CEP20: variants seen among roughly 807,000 people sequenced by gnomAD.
CEP20 encodes FGFR1OP N-terminal like.
In CEP20, 18 loss-of-function variants were observed where a neutral mutation model predicts 20.0. The ratio of observed to expected loss-of-function variants is 0.90; its 90% CI spans 0.62 to 1.34. The LOEUF (loss-of-function observed/expected upper bound fraction) is 1.34, where lower values mean the gene tolerates loss of function less well. Among genes scored for constraint, CEP20 ranks in the 40% most tolerant of loss-of-function variants. CEP20 has a pLI of 0.00. For synonymous variants in CEP20, 77 were observed against 73.7 expected, an observed-to-expected ratio of 1.04 and a Z score of -0.23; for missense variants, 215 against 201.6, an observed-to-expected ratio of 1.07 and a Z score of -0.40.
chr16:15,882,452 C>T (rs1395185054), intron 2 of CEP20, among the ~76,000 whole-genome samples: 2 of 151,962 alleles, frequency 1.3e-5, no homozygotes, highest in African/African-American at 4.8e-5. Flanking sequence ...ATCACTTGAA[C>T]CCAGGAGGTA....
In CEP20 at chr16:15,867,355, G is replaced by T; in HGVS notation, c.*85C>A. On this transcript the variant is annotated 3_prime_UTR_variant, in exon 5 of 5. Coordinates refer to ENST00000255759, the MANE Select transcript of CEP20 (RefSeq NM_144600.4). ...AACTCCAATTTCTACAAACATTAGT[G>T]GTGCATTTTGGTAACATTGGGACAA... The T allele has an allele frequency of 1.0e-6, 1 of 966,286 alleles. No individual in the cohort carries two copies. The highest frequency in any genetic ancestry group is 1.5e-6 in the Non-Finnish European group (1 of 684,070). 59.9% of individuals were successfully genotyped at this position (966,286 alleles called of 1,614,324 possible).
chr16:15,872,023 A>T (rs778355676), intron 4 of CEP20, among the ~76,000 whole-genome samples: 11 of 152,274 alleles, frequency 7.2e-5, no homozygotes, highest in African/African-American at 1.2e-4. Context: ...TTAAAAATTG[A>T]CCAGCTCTTG....
At chr16:15,873,281 G>C (rs2044864896) in intron 4 of CEP20, among the ~76,000 whole-genome samples, 1 of 151,930 alleles carries the variant, frequency 6.6e-6, no homozygotes, top group African/African-American at 2.4e-5. Flanking sequence ...TTACATCTAA[G>C]AATTCTGCCC....
intron 4 of CEP20, among the ~76,000 whole-genome samples, chr16:15,868,812 A>G (rs1270713028): frequency 6.6e-6 from 1 of 152,186 alleles, no homozygotes; most frequent in Non-Finnish European, 1.5e-5. Context: ...GGTCTTCTAG[A>G]AAAGTGTTAT....
intron 4 of CEP20, among the ~76,000 whole-genome samples, chr16:15,870,458 C>A (rs774482749): frequency 6.6e-6 from 1 of 152,042 alleles, no homozygotes; most frequent in Non-Finnish European, 1.5e-5. Flanking sequence ...TCCTTTGAAC[C>A]AACAACTCTA....
intron 4 of CEP20, among the ~76,000 whole-genome samples, chr16:15,868,924 G>C (rs1029393320): frequency 6.6e-6 from 1 of 151,728 alleles, no homozygotes; most frequent in African/African-American, 2.4e-5. Flanking sequence ...AAAAATCTTC[G>C]CCAGGAATGT....
chr16:15,876,843 T>C (rs2044962570), intron 3 of CEP20, among the ~76,000 whole-genome samples: 1 of 150,102 alleles, frequency 6.7e-6, no homozygotes, highest in Admixed American at 6.7e-5. Context: ...TCATCCTCTC[T>C]CAAACTTACT....
intron 3 of CEP20, among the ~76,000 whole-genome samples, chr16:15,879,449 A>T (rs568893157): frequency 2.3e-4 from 35 of 152,132 alleles, no homozygotes; most frequent in Non-Finnish European, 5.1e-4. Context: ...GGAGTTCGAG[A>T]CCAGCCTGGG....
intron 4 of CEP20, among the ~76,000 whole-genome samples, chr16:15,872,771 C>A (rs889614067): frequency 3.2e-5 from 4 of 124,206 alleles, no homozygotes; most frequent in African/African-American, 1.4e-4. Flanking sequence ...ATTTTTATGT[C>A]TCAAAAAAAT....
Position 15,884,156 on chromosome 16 carries a change from T to C in CEP20, c.78A>G (p.Ala26=), listed in dbSNP as rs1365907322. Residue 26 remains alanine, a synonymous_variant, in exon 2 of 5, where the codon GCA becomes GCG. Coordinates refer to ENST00000255759, the MANE Select transcript of CEP20 (RefSeq NM_144600.4). ...CATTGAAAACTTCAGCTCGGATCCTTGCTTTTAAATGCCCTAATACCCCCT... is the reference window on the plus strand; with the variant it reads ...CATTGAAAACTTCAGCTCGGATCCTCGCTTTTAAATGCCCTAATACCCCCT... ...EKKGVLGHLK[A]RIRAEVFNAL... 1 of 1,614,114 alleles carries C rather than the reference T, an allele frequency of 6.2e-7. No homozygotes were observed. The highest frequency in any genetic ancestry group is 1.3e-5 in the African/African-American group (1 of 75,070).
At chr16:15,871,782 T>A (rs2044825584) in intron 4 of CEP20, among the ~76,000 whole-genome samples, 1 of 152,182 alleles carries the variant, frequency 6.6e-6, no homozygotes, top group South Asian at 2.1e-4. Flanking sequence ...TATCTCCTAG[T>A]GCAGTCAGAA....
At chr16:15,870,885 C>T (rs2044798805) in intron 4 of CEP20, among the ~76,000 whole-genome samples, 1 of 152,052 alleles carries the variant, frequency 6.6e-6, no homozygotes, top group Non-Finnish European at 1.5e-5. Context: ...CTACACGTAT[C>T]AACAAGTAAA....
In CEP20 at chr16:15,868,935, A is replaced by G. The variant is rs577507254; in HGVS notation, c.449-1419T>C. Reference sequence around the variant, plus strand: ...CAATAAAAATCTTCGCCAGGAATGTAGTCCCAGCTGTAGTCCCAGCTACTT... The same window carrying G: ...CAATAAAAATCTTCGCCAGGAATGTGGTCCCAGCTGTAGTCCCAGCTACTT... On this transcript the variant is annotated intron_variant, in intron 4 of 4. Transcript: ENST00000255759. Among the ~76,000 whole-genome samples the G allele has an allele frequency of 1.8e-4, 28 of 151,620 alleles. No individual in the cohort carries two copies. In the South Asian group the frequency reaches 5.2e-3, roughly 28 times the overall value.
rs774921884 is a variant in CEP20 at position 15,884,036 on chromosome 16, A to G, written c.198T>C (p.Tyr66=). 1 of 1,613,290 alleles carries G rather than the reference A, an allele frequency of 6.2e-7. No individual in the cohort carries two copies. The highest frequency in any genetic ancestry group is 1.1e-5 in the South Asian group (1 of 91,068). ...LIREYLEFNK[Y]KYTASVLIAE... ...CTATGAGGACAGATGCTGTATACTT[A>G]TATTTGTTGAATTCTAAATACTCTC... is the stretch of plus-strand genomic sequence containing the variant. The change falls in exon 2 of 5, where the codon TAT becomes TAC. Residue 66 remains tyrosine (Y), a synonymous_variant. Coordinates refer to ENST00000255759, the MANE Select transcript of CEP20 (RefSeq NM_144600.4).
At chr16:15,880,735 T>TG (rs1296113391) in intron 2 of CEP20, among the ~76,000 whole-genome samples, 1 of 151,856 alleles carries the variant, frequency 6.6e-6, no homozygotes, top group African/African-American at 2.4e-5. Flanking sequence ...GAGGGAAGCT[T>TG]GATCTGTGTT....
chr16:15,867,948 G>C (rs1277468146), intron 4 of CEP20, among the ~76,000 whole-genome samples: 3 of 148,214 alleles, frequency 2.0e-5, no homozygotes, highest in African/African-American at 7.5e-5. Flanking sequence ...ACTCCAGCCT[G>C]GGCAACAAGA....
chr16:15,875,216 G>GC (rs1409065478), intron 3 of CEP20, among the ~76,000 whole-genome samples: 2 of 152,074 alleles, frequency 1.3e-5, no homozygotes, highest in Non-Finnish European at 2.9e-5. Context: ...ATAAGATGCC[G>GC]CAACTCTTAT....
At chr16:15,879,507 T>A (rs2045047531) in intron 3 of CEP20, among the ~76,000 whole-genome samples, 1 of 151,588 alleles carries the variant, frequency 6.6e-6, no homozygotes, top group African/African-American at 2.4e-5. Flanking sequence ...AAAATACAAA[T>A]AAAAGTTGAA....
At chr16:15,882,355 C>A (rs139253913) in intron 2 of CEP20, among the ~76,000 whole-genome samples, 1,526 of 151,298 alleles carry the variant, frequency 0.01, 30 homozygotes, top group African/African-American at 0.034. Flanking sequence ...TCCTGGCTAA[C>A]GGTGAAACCC....
Sources: allele counts gnomAD v4.1 joint callset (sites outside exome capture counted in the v4.1 genomes callset), GRCh38; gene constraint gnomAD v4.1.1; transcripts MANE v1.5; gene names NCBI Gene and HGNC (gene_info 2026-07-23, HGNC 2026-07-21).